The following SLC25A37 variants were observed in gnomAD, a reference collection of about 807,000 sequenced individuals.
SLC25A37 encodes the protein mitoferrin-1.
SLC25A37 carries 17 observed loss-of-function variants against 31.0 expected under a neutral mutation model. The ratio of observed to expected loss-of-function variants is 0.55; its 90% CI spans 0.38 to 0.82. The LOEUF (loss-of-function observed/expected upper bound fraction) is 0.82, where lower values mean the gene tolerates loss of function less well. Ranked by LOEUF, SLC25A37 falls within the 40% of genes least tolerant of loss-of-function variation. The pLI is 0.00. For missense variants in SLC25A37, 404 were observed against 465.8 expected, an observed-to-expected ratio of 0.87 and a Z score of 1.22; for synonymous variants, 222 against 193.0, an observed-to-expected ratio of 1.15 and a Z score of -1.24.
chr8:23,545,593 C>T (rs905645853), intron 1 of SLC25A37, among the ~76,000 whole-genome samples: 3 of 152,222 alleles, frequency 2.0e-5, no homozygotes, highest in Non-Finnish European at 2.9e-5. Context: ...GTTACAAAAT[C>T]TCTTTGCTGG....
In SLC25A37 at chr8:23,571,791, C is replaced by G. The variant is rs1327963709; in HGVS notation, c.953C>G (p.Ser318Cys). ...ATGCCCTCCACCGCCATTTCTTGGT[C>G]TGTCTATGAGTTCTTCAAGTACTTT... is the stretch of plus-strand genomic sequence containing the variant. ...YQMPSTAISWSVYEFFKYFLT... is the reference protein window; with the variant it reads ...YQMPSTAISWCVYEFFKYFLT... The change falls in exon 4 of 4, where the codon TCT becomes TGT. Residue 318 changes from serine to cysteine, a missense_variant. This residue lies in a region of SLC25A37 where 243 missense variants were observed against 284.4 expected (regional missense o/e 0.85). Coordinates refer to ENST00000519973, the MANE Select transcript of SLC25A37 (RefSeq NM_016612.4). 6.2e-7 allele frequency: 1 copy of G among 1,613,932 alleles called. No homozygotes were observed. Among genetic ancestry groups the G allele is most frequent in the Non-Finnish European group, 8.5e-7 (1 of 1,179,910 alleles).
intron 1 of SLC25A37, among the ~76,000 whole-genome samples, chr8:23,537,102 G>A (rs573916306): frequency 6.6e-6 from 1 of 151,772 alleles, no homozygotes; most frequent in African/African-American, 2.4e-5. Flanking sequence ...AGGCTGAGGT[G>A]GGGGAATTGC....
At chr8:23,557,011 T>C (rs1802385382) in intron 1 of SLC25A37, among the ~76,000 whole-genome samples, 1 of 152,134 alleles carries the variant, frequency 6.6e-6, no homozygotes. Flanking sequence ...CCACTACACC[T>C]GGCTAATTTT....
chr8:23,570,135 G>C (rs2117464547), intron 3 of SLC25A37, among the ~76,000 whole-genome samples: 1 of 152,202 alleles, frequency 6.6e-6, no homozygotes, highest in South Asian at 2.1e-4. Flanking sequence ...CCGATGGGCA[G>C]GTGAAGAAAA....
At position 23,529,267 on chromosome 8, in the gene SLC25A37, G is replaced by T. The variant is rs1801611998; in HGVS notation, c.210+55G>T. 2.7e-6 allele frequency: 4 copies of T among 1,506,144 alleles called. No individual in the cohort carries two copies. In the South Asian group the frequency reaches 4.8e-5, roughly 18 times the overall value. The allele number at this position is 1,506,144 out of a possible 1,614,324, so 93.3% of individuals were successfully genotyped here. A position where few individuals can be genotyped will look rare whatever the true frequency, so the allele number is the denominator to read the frequency against. The stretch of plus-strand genomic sequence containing the variant: ...ACGAGCGGAGAAGGAGCGCGCGCGC[G>T]CATTTGCATCCCGCGCGCCGGCAGC... On this transcript the variant is annotated intron_variant, in intron 1 of 3. Transcript: ENST00000519973. The surrounding 1 kb of genome is among the most constrained non-coding windows in gnomAD (Gnocchi z 4.1).
At chr8:23,545,691 G>A (rs1319973761) in intron 1 of SLC25A37, among the ~76,000 whole-genome samples, 1 of 152,168 alleles carries the variant, frequency 6.6e-6, no homozygotes, top group Admixed American at 6.5e-5. Flanking sequence ...CAGGATAGAA[G>A]CATAGAAAAT....
At chr8:23,567,160 T>G (rs1178409266) in intron 2 of SLC25A37, 3 of 152,152 alleles carry the variant, frequency 2.0e-5, no homozygotes, top group African/African-American at 7.2e-5. Flanking sequence ...ACAAAATTCA[T>G]TTTTTTCAAC....
chr8:23,532,120 C>T (rs893793348), intron 1 of SLC25A37, among the ~76,000 whole-genome samples: 32 of 152,278 alleles, frequency 2.1e-4, no homozygotes, highest in African/African-American at 6.0e-4. Context: ...CCCCAGCAGG[C>T]AACACTGAGA....
In SLC25A37 at chr8:23,572,022, G is replaced by T; in HGVS notation, c.*167G>T. On this transcript the variant is annotated 3_prime_UTR_variant, in exon 4 of 4. Coordinates refer to ENST00000519973, the MANE Select transcript of SLC25A37 (RefSeq NM_016612.4). ...GGGACGGCACGGCCGCTCACCGGAA[G>T]GCTGTGTGCGGGGACATCCGAGGTG... 1.3e-6 allele frequency: 1 copy of T among 742,030 alleles called. No individual in the cohort carries two copies. Among genetic ancestry groups the T allele is most frequent in the Non-Finnish European group, 2.2e-6 (1 of 462,540 alleles). The allele number at this position is 742,030 out of a possible 1,614,324, so 46.0% of individuals were successfully genotyped here.
intron 1 of SLC25A37, among the ~76,000 whole-genome samples, chr8:23,537,072 A>C (rs996927012): frequency 4.0e-5 from 6 of 151,788 alleles, no homozygotes; most frequent in Admixed American, 3.9e-4. Flanking sequence ...GGTATGCGCC[A>C]GTGGTCTCAG....
At chr8:23,557,975 G>C (rs953467207) in intron 1 of SLC25A37, among the ~76,000 whole-genome samples, 2 of 152,104 alleles carry the variant, frequency 1.3e-5, no homozygotes, top group South Asian at 4.2e-4. Context: ...TCAGCCCTGG[G>C]CCCCCCTGGA....
At chr8:23,543,862 CT>C (rs949957937) in intron 1 of SLC25A37, among the ~76,000 whole-genome samples, 62 of 151,250 alleles carry the variant, frequency 4.1e-4, no homozygotes, top group African/African-American at 1.5e-3. Flanking sequence ...TTTCACTGTA[CT>C]TTTTTTTTGT....
chr8:23,551,543 A>G (rs892965841), intron 1 of SLC25A37, among the ~76,000 whole-genome samples: 12 of 151,956 alleles, frequency 7.9e-5, no homozygotes, highest in Non-Finnish European at 1.6e-4. Context: ...AAATGACGTC[A>G]TTGCTAAGAA....
At chr8:23,545,944 G>T (rs2117406265) in intron 1 of SLC25A37, among the ~76,000 whole-genome samples, 1 of 152,290 alleles carries the variant, frequency 6.6e-6, no homozygotes, top group South Asian at 2.1e-4. Context: ...AGACCAGCCT[G>T]GCCAACATGG....
rs144275786 is a variant in SLC25A37 at position 23,537,135 on chromosome 8, G to A, written c.210+7923G>A. Among the ~76,000 whole-genome samples the A allele has an allele frequency of 3.8e-3, 571 of 149,240 alleles. 6 individuals carry two copies. Among genetic ancestry groups the A allele is most frequent in the African/African-American group, 0.013 (530 of 40,662 alleles). On this transcript the variant is annotated intron_variant, in intron 1 of 3. Coordinates refer to ENST00000519973, the MANE Select transcript of SLC25A37 (RefSeq NM_016612.4). ...TGCTTGAGCCTGGGAGGTCGAGGCT[G>A]TAGTGAGCTATGATTGGACCACCGC...
At chr8:23,571,217 G>C in intron 3 of SLC25A37, 118 bp from the exon 4 acceptor site, 5 of 1,241,920 alleles carry the variant, frequency 4.0e-6, no homozygotes, top group Non-Finnish European at 5.4e-6. Flanking sequence ...CCTGTTTCCG[G>C]TGTCTAACTG....
At position 23,566,438 on chromosome 8, in the gene SLC25A37, G is replaced by A. The variant is rs956377656; in HGVS notation, c.439+102G>A. ...GACCCAGCCGCCTCGACTTCGGCCC[G>A]CTTGCTCACGAATAAAGAACTCAGA... On this transcript the variant is annotated intron_variant, in intron 2 of 3. Coordinates refer to ENST00000519973, the MANE Select transcript of SLC25A37 (RefSeq NM_016612.4). 1.3e-5 allele frequency: 20 copies of A among 1,493,544 alleles called. No individual in the cohort carries two copies. The Admixed American group carries it at 1.8e-4, about 14-fold the overall frequency. 92.5% of individuals were successfully genotyped at this position (1,493,544 alleles called of 1,614,324 possible).
At chr8:23,549,551 T>C (rs1802167057) in intron 1 of SLC25A37, among the ~76,000 whole-genome samples, 1 of 152,206 alleles carries the variant, frequency 6.6e-6, no homozygotes, top group South Asian at 2.1e-4. Context: ...CCTCTGGTGT[T>C]TCTCCCTGAG....
intron 2 of SLC25A37, chr8:23,566,827 A>G: frequency 1.0e-6 from 1 of 986,050 alleles, no homozygotes; most frequent in Non-Finnish European, 1.2e-6. Context: ...AAGAAGTTTT[A>G]TGGCTGACAA....
Sources: gnomAD v4.1 joint callset for allele counts (sites outside exome capture counted in the v4.1 genomes callset) on GRCh38, gnomAD v4.1.1 for gene constraint, gnomAD v4.1.1 regional missense constraint, Gnocchi (gnomAD v3.1) non-coding constraint, MANE v1.5 for transcripts, NCBI Gene and HGNC (gene_info 2026-07-23, HGNC 2026-07-21) for gene names.